NCAN: variants seen among roughly 807,000 people sequenced by gnomAD.
NCAN encodes neurocan, also known as neurocan core protein.
A neutral mutation model predicts 121.8 loss-of-function variants in NCAN; 47 were observed. The ratio of observed to expected loss-of-function variants is 0.39; its 90% CI spans 0.31 to 0.49. The LOEUF (loss-of-function observed/expected upper bound fraction) is 0.49, where lower values mean the gene tolerates loss of function less well. Ranked by LOEUF, NCAN falls within the 20% of genes least tolerant of loss-of-function variation. NCAN has a pLI of 0.92. For missense variants in NCAN, 1,517 were observed against 1,773.4 expected, an observed-to-expected ratio of 0.86 and a Z score of 2.60; for synonymous variants, 633 against 702.0, an observed-to-expected ratio of 0.90 and a Z score of 1.55.
In NCAN at chr19:19,218,986, G is replaced by T; in HGVS notation, c.145G>T (p.Ala49Ser). 1.3e-6 allele frequency: 2 copies of T among 1,585,910 alleles called. No individual in the cohort carries two copies. The highest frequency in any genetic ancestry group is 8.6e-7 in the Non-Finnish European group (1 of 1,163,876). ...MQKLGSGSVQ[A>S]ALAELVALPC... ...GAAGCTGGGGTCTGGGTCAGTGCAG[G>T]CTGCGCTGGCGGAGCTGGTGGCCCT... Residue 49 changes from alanine to serine, a missense_variant, in exon 3 of 15, where the codon GCT (alanine) becomes TCT (serine). By Grantham distance (99) the Ala-to-Ser change is moderately conservative. Transcript: ENST00000252575.
rs145802020 is a variant in NCAN at position 19,227,433 on chromosome 19, T to C, written c.1813T>C (p.Ser605Pro). The C allele has an allele frequency of 2.3e-4, 374 of 1,613,392 alleles. No homozygotes were observed. Among genetic ancestry groups the C allele is most frequent in the Non-Finnish European group, 3.0e-4 (355 of 1,179,862 alleles). The change falls in exon 8 of 15, where the codon TCC becomes CCC. Residue 605 changes from serine (S) to proline (P), a missense_variant. Ser to Pro is a moderately conservative substitution (Grantham distance 74, BLOSUM62 -1). Coordinates refer to ENST00000252575, the MANE Select transcript of NCAN (RefSeq NM_004386.3). The surrounding 1 kb of genome is among the most constrained non-coding windows in gnomAD (Gnocchi z 4.2). ...ARPATPDLFW[S>P]PLEATVSAPS... is the part of the protein sequence containing the mutation. ...GCCAGCCACCCCAGACCTGTTTTGG[T>C]CCCCCTTGGAGGCCACTGTCTCAGC...
At chr19:19,214,953 G>A (rs2060791067) in intron 1 of NCAN, among the ~76,000 whole-genome samples, 1 of 152,210 alleles carries the variant, frequency 6.6e-6, no homozygotes, top group African/African-American at 2.4e-5. Flanking sequence ...AGAGGTTGCT[G>A]AGGTTTACAA....
At chr19:19,214,727 G>GGTGTGGGTGTGT (rs989367237) in intron 1 of NCAN, among the ~76,000 whole-genome samples, 3 of 141,244 alleles carry the variant, frequency 2.1e-5, no homozygotes, top group African/African-American at 7.9e-5. Context: ...CTGTTAACGG[G>GGTGTGGGTGTGT]GTGTGTGTGT....
chr19:19,233,982 C>A (rs1206702602), intron 9 of NCAN, 77 bp downstream of exon 9: 9 of 904,966 alleles, frequency 9.9e-6, no homozygotes, highest in African/African-American at 3.3e-5. Flanking sequence ...AGCAGCCATG[C>A]CCTCAGAATT....
At position 19,227,514 on chromosome 19, in the gene NCAN, A is replaced by G. The variant is rs2060842020; in HGVS notation, c.1894A>G (p.Met632Val). The change falls in exon 8 of 15, where the codon ATG becomes GTG. Residue 632 changes from methionine to valine, a missense_variant. By Grantham distance (21) the Met-to-Val change is conservative. Transcript: ENST00000252575. This position sits in a 1 kb window ranked among gnomAD's most constrained non-coding sequence, Gnocchi z 4.2. The part of the protein sequence containing the change: ...FPVATSPDLP[M>V]MAMLRGPKEW... The stretch of plus-strand genomic sequence containing the variant: ...TGTGGCCACCTCCCCAGATCTCCCT[A>G]TGATGGCCATGCTGCGTGGTCCCAA... 2.5e-6 allele frequency: 4 copies of G among 1,613,660 alleles called. No individual in the cohort carries two copies. Among genetic ancestry groups the G allele is most frequent in the African/African-American group, 1.3e-5 (1 of 74,940 alleles).
At chr19:19,215,774 C>A (rs566063240) in intron 1 of NCAN, among the ~76,000 whole-genome samples, 15 of 152,184 alleles carry the variant, frequency 9.9e-5, no homozygotes, top group Admixed American at 3.3e-4. Context: ...CAGCCTGCTG[C>A]CTGGACTGAG....
chr19:19,215,359 G>A (rs1217873875), intron 1 of NCAN, among the ~76,000 whole-genome samples: 1 of 152,142 alleles, frequency 6.6e-6, no homozygotes, highest in Admixed American at 6.5e-5. Context: ...ACCGGGGTTC[G>A]CAGGAGTGGG....
intron 3 of NCAN, among the ~76,000 whole-genome samples, chr19:19,222,575 G>A (rs1440615043): frequency 1.3e-5 from 2 of 152,076 alleles, no homozygotes; most frequent in Admixed American, 1.3e-4. Flanking sequence ...TGCTATGCCC[G>A]GACATTCAGC....
rs149229414 is a variant in NCAN at position 19,226,952 on chromosome 19, A to G, written c.1539A>G (p.Ser513=). ...AGGCCAGCGCCCAGCCCCCCACCTCAGAGGCTGCAGTGAACCAAATGGAGC... is the reference window on the plus strand; with the variant it reads ...AGGCCAGCGCCCAGCCCCCCACCTCGGAGGCTGCAGTGAACCAAATGGAGC... The part of the protein sequence containing the change: ...GMEASAQPPT[S]EAAVNQMEPP... Residue 513 remains serine (S), a synonymous_variant, in exon 7 of 15, where the codon TCA becomes TCG. Coordinates refer to ENST00000252575, the MANE Select transcript of NCAN (RefSeq NM_004386.3). 1.3e-6 allele frequency: 2 copies of G among 1,564,246 alleles called. No individual in the cohort carries two copies. Among genetic ancestry groups the G allele is most frequent in the Non-Finnish European group, 1.7e-6 (2 of 1,155,892 alleles).
At position 19,232,295 on chromosome 19, in the gene NCAN, G is replaced by GA. The variant is rs374892304; in HGVS notation, c.3020-1491dup. Among the ~76,000 whole-genome samples the GA allele has an allele frequency of 1.2e-3, 186 of 152,334 alleles. 1 individual carries two copies. Among genetic ancestry groups the GA allele is most frequent in the African/African-American group, 4.2e-3 (174 of 41,578 alleles). The stretch of plus-strand genomic sequence containing the variant: ...AGCTACCCACCCGCCGCTTGCAGAA[G>GA]AAATGCTAATGAAGCCAAAAATAAA... On this transcript the variant is annotated intron_variant, in intron 8 of 14. Coordinates refer to ENST00000252575, the MANE Select transcript of NCAN (RefSeq NM_004386.3).
intron 3 of NCAN, among the ~76,000 whole-genome samples, chr19:19,220,613 G>A (rs1352557841): frequency 1.3e-5 from 2 of 151,828 alleles, no homozygotes; most frequent in African/African-American, 2.4e-5. Context: ...GCCCGCCACA[G>A]CGCCTGGCTA....
chr19:19,244,868 G>A (rs868719991), intron 12 of NCAN, among the ~76,000 whole-genome samples: 53 of 151,342 alleles, frequency 3.5e-4, no homozygotes, highest in African/African-American at 1.1e-3. Flanking sequence ...CCACTACCAT[G>A]CCTGGCTAAT....
Position 19,226,584 on chromosome 19 carries a change from G to A in NCAN, c.1171G>A (p.Glu391Lys), listed in dbSNP as rs780022532. 51 of 1,613,704 alleles carry A rather than the reference G, an allele frequency of 3.2e-5. No homozygotes were observed. Among genetic ancestry groups the A allele is most frequent in the Non-Finnish European group, 4.2e-5 (50 of 1,179,954 alleles). ...AGAGGGGCCCCCAGTTAGAGAACTG[G>A]AGCCCACCCTGGAGGAGGAAGAGGT... is the stretch of plus-strand genomic sequence containing the variant. ...SAEGPPVREL[E>K]PTLEEEEVVT... Residue 391 changes from glutamate (E) to lysine (K), a missense_variant, in exon 7 of 15, where the codon GAG becomes AAG. Glu to Lys is a moderately conservative substitution (Grantham distance 56). Transcript: ENST00000252575.
Position 19,233,791 on chromosome 19 carries a change from C to G in NCAN, c.3022C>G (p.His1008Asp), listed in dbSNP as rs778361723. 1.9e-6 allele frequency: 3 copies of G among 1,600,332 alleles called. No homozygotes were observed. In the Admixed American group the frequency reaches 5.0e-5, roughly 27 times the overall value. The change falls in exon 9 of 15, where the codon CAC becomes GAC. Residue 1008 changes from histidine (H) to aspartate (D), a missense_variant and splice_region_variant. His to Asp is a moderately conservative substitution (Grantham distance 81, BLOSUM62 -1). Coordinates refer to ENST00000252575, the MANE Select transcript of NCAN (RefSeq NM_004386.3). ...CACACTACCCATCCATCCTGCAGTG[C>G]ACTCAGATCCCTGTGAGAACAACCC... ...TPMNAGAEEV[H>D]SDPCENNPCL...
At chr19:19,226,382 A>G (rs2060836886) in intron 6 of NCAN, 104 bp from the exon 7 acceptor site, 2 of 931,392 alleles carry the variant, frequency 2.1e-6, no homozygotes, top group South Asian at 1.7e-5. Context: ...ACAGAGGTAC[A>G]CAGAAGGCTT....
rs1217293418 is a variant in NCAN at position 19,219,171 on chromosome 19, A to G, written c.330A>G (p.Arg110=). The change falls in exon 3 of 15, where the codon CGA becomes CGG. Residue 110 remains arginine, a synonymous_variant. Transcript: ENST00000252575. ...VVRVAKSWQG[R]VSLPSYPRRR... ...GGGTGGCCAAAAGCTGGCAGGGACG[A>G]GTGTCACTGCCTTCCTACCCCCGGC... is the stretch of plus-strand genomic sequence containing the variant. 1.9e-6 allele frequency: 3 copies of G among 1,613,294 alleles called. No homozygotes were observed. Among genetic ancestry groups the G allele is most frequent in the Non-Finnish European group, 2.5e-6 (3 of 1,180,014 alleles).
intron 2 of NCAN, among the ~76,000 whole-genome samples, chr19:19,218,503 G>A (rs910077974): frequency 6.6e-6 from 1 of 150,634 alleles, no homozygotes; most frequent in African/African-American, 2.4e-5. Context: ...ATGGAGTTTC[G>A]CTCTTGTTGC....
chr19:19,213,897 ACT>A (rs1298284748), intron 1 of NCAN, among the ~76,000 whole-genome samples: 1 of 151,956 alleles, frequency 6.6e-6, no homozygotes, highest in Non-Finnish European at 1.5e-5. Flanking sequence ...ATACACCCTG[ACT>A]CTCAGGTCAG....
At chr19:19,245,176 T>C (rs1805760701) in intron 12 of NCAN, 137 bp from the exon 13 acceptor site, 1 of 1,053,664 alleles carries the variant, frequency 9.5e-7, no homozygotes, top group African/African-American at 1.6e-5. Context: ...GGCAGGACAG[T>C]GGCCATTGTA....
Sources: allele counts gnomAD v4.1 joint callset (sites outside exome capture counted in the v4.1 genomes callset), GRCh38; gene constraint gnomAD v4.1.1; non-coding constraint Gnocchi (gnomAD v3.1); transcripts MANE v1.5; gene names NCBI Gene and HGNC (gene_info 2026-07-23, HGNC 2026-07-21).